TDRP: variants seen among roughly 807,000 people sequenced by gnomAD.
TDRP encodes testis development-related protein.
TDRP carries 12 observed loss-of-function variants against 10.5 expected under a neutral mutation model. The observed-to-expected ratio is 1.15, with a 90% CI of 0.73 to 1.86. The LOEUF (loss-of-function observed/expected upper bound fraction) is 1.86, where lower values mean the gene tolerates loss of function less well. TDRP is among the 40% of genes most tolerant of loss of function. The pLI is 0.00. For missense variants in TDRP, 353 were observed against 229.2 expected (o/e 1.54, Z -3.49); for synonymous variants, 139 against 95.4 (o/e 1.46, Z -2.67).
intron 1 of TDRP, among the ~76,000 whole-genome samples, chr8:535,159 C>G (rs1056582418): frequency 1.3e-5 from 2 of 152,170 alleles, no homozygotes; most frequent in African/African-American, 2.4e-5. Context: ...TTATTAATAT[C>G]TTGAAAAAAG....
intron 1 of TDRP, among the ~76,000 whole-genome samples, chr8:543,980 G>T (rs1362861324): frequency 5.9e-5 from 9 of 151,844 alleles, no homozygotes; most frequent in African/African-American, 1.9e-4. Flanking sequence ...GGGCCCACCT[G>T]GGAGCCCTTT....
intron 1 of TDRP, among the ~76,000 whole-genome samples, chr8:538,726 T>C: frequency 6.6e-6 from 1 of 152,198 alleles, no homozygotes; most frequent in East Asian, 1.9e-4. Context: ...GGGGGAGAAG[T>C]CTTTAGAAGT....
At chr8:503,216 A>G (rs1486059965) in intron 1 of TDRP, among the ~76,000 whole-genome samples, 1 of 151,618 alleles carries the variant, frequency 6.6e-6, no homozygotes, top group African/African-American at 2.4e-5. Context: ...ACAGCCACAC[A>G]CTGGAAGCAA....
chr8:519,088 G>C (rs879439804), intron 1 of TDRP, among the ~76,000 whole-genome samples: 1 of 152,070 alleles, frequency 6.6e-6, no homozygotes, highest in Admixed American at 6.5e-5. Flanking sequence ...AGGAGGGCTA[G>C]AGATTGAATC....
intron 1 of TDRP, among the ~76,000 whole-genome samples, chr8:506,192 A>G (rs988216415): frequency 8.5e-5 from 13 of 152,372 alleles, no homozygotes; most frequent in African/African-American, 3.1e-4. Flanking sequence ...AAAAACACAC[A>G]TAGGATCTCT....
At chr8:508,849 C>CT (rs1210198010) in intron 1 of TDRP, among the ~76,000 whole-genome samples, 2 of 152,166 alleles carry the variant, frequency 1.3e-5, no homozygotes, top group Non-Finnish European at 2.9e-5. Context: ...TCCCTTTTGC[C>CT]TATAAGCCTG....
At chr8:535,339 C>A (rs947033463) in intron 1 of TDRP, among the ~76,000 whole-genome samples, 1 of 152,058 alleles carries the variant, frequency 6.6e-6, no homozygotes, top group Non-Finnish European at 1.5e-5. Flanking sequence ...CTCACAGCAA[C>A]CCCCACAGAA....
At chr8:537,770 G>C (rs1802385468) in intron 1 of TDRP, among the ~76,000 whole-genome samples, 1 of 152,180 alleles carries the variant, frequency 6.6e-6, no homozygotes. Flanking sequence ...AACTTCAGCT[G>C]TCACCTGACT....
At chr8:501,074 G>C (rs552101114) in intron 1 of TDRP, among the ~76,000 whole-genome samples, 1 of 151,906 alleles carries the variant, frequency 6.6e-6, no homozygotes, top group Non-Finnish European at 1.5e-5. Flanking sequence ...GCGTGATGGC[G>C]GGCGCCTGTA....
At position 526,354 on chromosome 8, in the gene TDRP, T is replaced by C. The variant is rs55913887; in HGVS notation, c.108+18296A>G. ...CAGTATGATACTAGCTATGAATCTG[T>C]TGCATATGGCTATTATTATGTGGAG... is the stretch of plus-strand genomic sequence containing the variant. On this transcript the variant is annotated intron_variant, in intron 1 of 2. Coordinates refer to ENST00000324079, the MANE Select transcript of TDRP (RefSeq NM_001384899.1). Among the ~76,000 whole-genome samples, 1,167 of 152,300 alleles carry C rather than the reference T, an allele frequency of 7.7e-3. 11 individuals are homozygous for C. The highest frequency in any genetic ancestry group is 0.026 in the African/African-American group (1,089 of 41,564).
intron 2 of TDRP, among the ~76,000 whole-genome samples, chr8:493,434 C>G (rs1801036231): frequency 6.6e-6 from 1 of 152,234 alleles, no homozygotes; most frequent in Admixed American, 6.5e-5. Flanking sequence ...GAAGTCACAG[C>G]TCCGCCAGAG....
intron 1 of TDRP, among the ~76,000 whole-genome samples, chr8:503,189 G>C (rs980533816): frequency 1.3e-5 from 2 of 150,100 alleles, no homozygotes; most frequent in Non-Finnish European, 3.0e-5. Context: ...ACCTCAACAC[G>C]CACCAACACA....
intron 1 of TDRP, among the ~76,000 whole-genome samples, chr8:501,311 A>C (rs957572996): frequency 6.6e-6 from 1 of 152,168 alleles, no homozygotes; most frequent in Non-Finnish European, 1.5e-5. Flanking sequence ...ATGTAATTTT[A>C]GTATTTCATT....
chr8:495,918 T>C (rs531196575), intron 1 of TDRP, among the ~76,000 whole-genome samples: 8 of 152,306 alleles, frequency 5.3e-5, no homozygotes, highest in Admixed American at 4.6e-4. Flanking sequence ...TTACTTCCCA[T>C]AGGCCAGACT....
At chr8:513,268 T>C (rs1174402492) in intron 1 of TDRP, among the ~76,000 whole-genome samples, 2 of 152,034 alleles carry the variant, frequency 1.3e-5, no homozygotes, top group African/African-American at 2.4e-5. Context: ...CTCACCAAAA[T>C]GCCACCAAAC....
intron 1 of TDRP, among the ~76,000 whole-genome samples, chr8:514,457 A>C (rs1288312139): frequency 1.3e-5 from 2 of 152,182 alleles, no homozygotes; most frequent in African/African-American, 4.8e-5. Context: ...GGGAACTGCC[A>C]CCCACACAAC....
At chr8:543,513 C>A (rs943965486) in intron 1 of TDRP, among the ~76,000 whole-genome samples, 4 of 150,906 alleles carry the variant, frequency 2.7e-5, no homozygotes, top group African/African-American at 9.8e-5. Context: ...TCATTACATT[C>A]AAGAAGAGAG....
chr8:493,749 T>A (rs1313876935), intron 2 of TDRP, among the ~76,000 whole-genome samples: 1 of 149,592 alleles, frequency 6.7e-6, no homozygotes, highest in East Asian at 1.9e-4. Context: ...ATCCTTTGTA[T>A]TTTTAACAGT....
chr8:541,065 C>G (rs537225007), intron 1 of TDRP, among the ~76,000 whole-genome samples: 1 of 152,296 alleles, frequency 6.6e-6, no homozygotes, highest in South Asian at 2.1e-4. Flanking sequence ...CTTCTCTCAA[C>G]TTTAAAATTT....
Sources: gnomAD v4.1 joint callset for allele counts (sites outside exome capture counted in the v4.1 genomes callset) on GRCh38, gnomAD v4.1.1 for gene constraint, MANE v1.5 for transcripts, NCBI Gene and HGNC (gene_info 2026-07-23, HGNC 2026-07-21) for gene names.